Variants in ZNF407 observed in about 807,000 individuals in gnomAD.
The protein encoded by ZNF407 is zinc finger protein 407.
ZNF407 carries 17 observed loss-of-function variants against 131.2 expected under a neutral mutation model. The observed-to-expected ratio is 0.13, with a 90% CI of 0.09 to 0.19. The LOEUF is 0.19. Among genes scored for constraint, ZNF407 ranks in the 10% least tolerant of loss-of-function variants. The pLI is 1.00. For missense variants in ZNF407, 2,681 were observed against 2,830.6 expected (o/e 0.95, Z 1.20); for synonymous variants, 1,156 against 1,062.0 (o/e 1.09, Z -1.72).
intron 8 of ZNF407, among the ~76,000 whole-genome samples, chr18:74,981,631 C>T (rs1053893257): frequency 1.5e-4 from 23 of 152,160 alleles, no homozygotes; most frequent in Non-Finnish European, 2.8e-4. Flanking sequence ...AGGCTTCCTA[C>T]GGAGGGCACT....
In ZNF407 at chr18:75,035,514, T is replaced by A. The variant is rs145976636; in HGVS notation, c.5429-27636T>A. 2.4e-3 allele frequency among the ~76,000 whole-genome samples: 373 copies of A among 152,364 alleles called. 5 individuals carry two copies. The highest frequency in any genetic ancestry group is 8.6e-3 in the African/African-American group (357 of 41,592). ...TAGAATGGACCTCAGGGTCTCGTTC[T>A]CTATATCTGGTCAATAACCAATATA... On this transcript the variant is annotated intron_variant, in intron 8 of 8. Coordinates refer to ENST00000299687, the MANE Select transcript of ZNF407 (RefSeq NM_017757.3).
chr18:74,963,098 C>T (rs1051868953), intron 8 of ZNF407, among the ~76,000 whole-genome samples: 16 of 152,064 alleles, frequency 1.1e-4, no homozygotes, highest in African/African-American at 2.7e-4. Context: ...AAAATCCAAT[C>T]GCACTTTCTT....
intron 3 of ZNF407, among the ~76,000 whole-genome samples, chr18:74,662,231 G>A (rs1047626811): frequency 6.6e-6 from 1 of 152,042 alleles, no homozygotes; most frequent in Non-Finnish European, 1.5e-5. Flanking sequence ...ACATTTAAAT[G>A]GTAACTCAGA....
At chr18:75,008,872 G>A (rs1972941689) in intron 8 of ZNF407, among the ~76,000 whole-genome samples, 1 of 152,144 alleles carries the variant, frequency 6.6e-6, no homozygotes, top group Non-Finnish European at 1.5e-5. Flanking sequence ...ATTTTCCCCA[G>A]TGCATCTAGT....
chr18:74,727,232 A>G (rs1257863250), intron 3 of ZNF407, among the ~76,000 whole-genome samples: 1 of 152,302 alleles, frequency 6.6e-6, no homozygotes, highest in African/African-American at 2.4e-5. Context: ...ACCGAGGTCA[A>G]GTTCTCCTGT....
At chr18:74,669,271 C>T (rs991449538) in intron 3 of ZNF407, among the ~76,000 whole-genome samples, 4 of 152,174 alleles carry the variant, frequency 2.6e-5, no homozygotes, top group Admixed American at 2.0e-4. Flanking sequence ...TCAGAGGACT[C>T]GGCTTTCTGA....
intron 8 of ZNF407, among the ~76,000 whole-genome samples, chr18:74,965,525 A>G (rs1407366291): frequency 1.3e-5 from 2 of 152,160 alleles, no homozygotes; most frequent in South Asian, 2.1e-4. Context: ...ACTCCATTGT[A>G]TATATCTACT....
chr18:74,645,720 G>T (rs148062178), intron 3 of ZNF407, among the ~76,000 whole-genome samples: 7 of 150,620 alleles, frequency 4.6e-5, no homozygotes, highest in Non-Finnish European at 7.4e-5. Flanking sequence ...CTATGTAGAT[G>T]ATTATAATGT....
chr18:74,758,401 C>A (rs1407088443), intron 3 of ZNF407, among the ~76,000 whole-genome samples: 2 of 152,038 alleles, frequency 1.3e-5, no homozygotes, highest in Non-Finnish European at 2.9e-5. Flanking sequence ...TTTACGAATA[C>A]CAACTTAATT....
At chr18:74,663,784 G>T (rs1023687848) in intron 3 of ZNF407, among the ~76,000 whole-genome samples, 3 of 152,200 alleles carry the variant, frequency 2.0e-5, no homozygotes, top group Non-Finnish European at 2.9e-5. Flanking sequence ...AGATTTTAGA[G>T]AGGACCGAGA....
At chr18:74,700,003 G>T (rs181150057) in intron 3 of ZNF407, among the ~76,000 whole-genome samples, 76 of 152,114 alleles carry the variant, frequency 5.0e-4, no homozygotes, top group African/African-American at 1.7e-3. Context: ...TAAGATTAGT[G>T]CTGTGTTCCC....
rs780601088 is a variant in ZNF407 at position 74,632,342 on chromosome 18, G to T, written c.1323G>T (p.Lys441Asn). The change falls in exon 2 of 9, where the codon AAG becomes AAT. Residue 441 changes from lysine to asparagine, a missense_variant. Physicochemically the swap from Lys to Asn is moderately conservative, Grantham distance 94. This residue lies in a region of ZNF407 where 1,789 missense variants were observed against 1,748.7 expected (regional missense o/e 1.02). Transcript: ENST00000299687. ...CTTTCACCTTGAAGGGCCAGGCAAAGAAAAGGTTTAATCTTTTAGGAATTA... is the reference window on the plus strand; with the variant it reads ...CTTTCACCTTGAAGGGCCAGGCAAATAAAAGGTTTAATCTTTTAGGAATTA... ...SSTFTLKGQA[K>N]KRFNLLGIKR... The T allele has an allele frequency of 3.7e-6, 6 of 1,614,000 alleles. No homozygotes were observed. Among genetic ancestry groups the T allele is most frequent in the Admixed American group, 1.7e-5 (1 of 60,028 alleles).
At chr18:74,808,552 A>G (rs1459526911) in intron 4 of ZNF407, among the ~76,000 whole-genome samples, 1 of 152,244 alleles carries the variant, frequency 6.6e-6, no homozygotes, top group Non-Finnish European at 1.5e-5. Flanking sequence ...TGCTAGAATA[A>G]GGGAAAGTCT....
chr18:74,747,323 T>C (rs1293750046), intron 3 of ZNF407, among the ~76,000 whole-genome samples: 1 of 152,208 alleles, frequency 6.6e-6, no homozygotes, highest in Non-Finnish European at 1.5e-5. Flanking sequence ...AATTACATGG[T>C]ATTCATAATG....
chr18:74,960,636 A>G (rs1972330437), intron 8 of ZNF407, among the ~76,000 whole-genome samples: 4 of 145,622 alleles, frequency 2.7e-5, no homozygotes, highest in Admixed American at 2.7e-4. Context: ...GTGGAGGGAT[A>G]GGAGAAGGTC....
chr18:74,996,098 A>T (rs1386190460), intron 8 of ZNF407, among the ~76,000 whole-genome samples: 1 of 152,232 alleles, frequency 6.6e-6, no homozygotes, highest in Non-Finnish European at 1.5e-5. Flanking sequence ...CAGTATTGAA[A>T]TGTTTACAAA....
chr18:74,764,249 A>G (rs1301587448), intron 3 of ZNF407, among the ~76,000 whole-genome samples: 1 of 152,082 alleles, frequency 6.6e-6, no homozygotes, highest in African/African-American at 2.4e-5. Context: ...TTGGCCAACA[A>G]CTAATTTGTT....
At chr18:75,036,921 T>G (rs1478949293) in intron 8 of ZNF407, among the ~76,000 whole-genome samples, 1 of 152,238 alleles carries the variant, frequency 6.6e-6, no homozygotes, top group African/African-American at 2.4e-5. Flanking sequence ...GCCATCTAAT[T>G]GCTTCTTAGG....
intron 1 of ZNF407, among the ~76,000 whole-genome samples, chr18:74,608,393 G>A (rs972934648): frequency 6.7e-6 from 1 of 149,780 alleles, no homozygotes; most frequent in African/African-American, 2.5e-5. Flanking sequence ...CTGTCACTCA[G>A]GCTGGAGTGC....
Sources: gnomAD v4.1 joint callset for allele counts (sites outside exome capture counted in the v4.1 genomes callset) on GRCh38, gnomAD v4.1.1 for gene constraint, gnomAD v4.1.1 regional missense constraint, MANE v1.5 for transcripts, NCBI Gene and HGNC (gene_info 2026-07-23, HGNC 2026-07-21) for gene names.